The following LRRTM4 variants were observed in gnomAD, a reference collection of about 807,000 sequenced individuals.
The protein encoded by LRRTM4 is leucine rich repeat transmembrane neuronal 4.
In LRRTM4, 25 loss-of-function variants were observed where a neutral mutation model predicts 47.6. The ratio of observed to expected loss-of-function variants is 0.53; its 90% confidence interval spans 0.38 to 0.73. The LOEUF (loss-of-function observed/expected upper bound fraction) is 0.73. Among genes scored for constraint, LRRTM4 ranks in the 30% least tolerant of loss-of-function variants. LRRTM4 has a pLI of 0.00. For synonymous variants in LRRTM4, 311 were observed against 269.5 expected (o/e 1.15, Z -1.51); for missense variants, 638 against 713.4 (o/e 0.89, Z 1.20).
intron 3 of LRRTM4, among the ~76,000 whole-genome samples, chr2:76,896,282 C>A (rs1673414970): frequency 6.6e-6 from 1 of 151,808 alleles, no homozygotes; most frequent in African/African-American, 2.4e-5. Flanking sequence ...TCCAAATGAT[C>A]ACTTCAAAAA....
At chr2:76,980,051 T>C (rs114535828) in intron 3 of LRRTM4, among the ~76,000 whole-genome samples, 1,953 of 152,196 alleles carry the variant, frequency 0.013, 38 homozygotes, top group African/African-American at 0.044. Context: ...CTTTGGATTT[T>C]ATATAATGAA....
chr2:76,750,301 G>A (rs1042151810), intron 3 of LRRTM4, among the ~76,000 whole-genome samples: 2 of 152,130 alleles, frequency 1.3e-5, no homozygotes, highest in African/African-American at 2.4e-5. Context: ...GAGATTTGAG[G>A]TTCATCACCA....
intron 3 of LRRTM4, among the ~76,000 whole-genome samples, chr2:76,839,974 C>T (rs1190248614): frequency 1.3e-5 from 2 of 152,108 alleles, no homozygotes; most frequent in African/African-American, 4.8e-5. Context: ...ATGTGTCACA[C>T]ATTCAATCTG....
At chr2:77,259,646 C>G (rs1209259580) in intron 3 of LRRTM4, among the ~76,000 whole-genome samples, 1 of 151,972 alleles carries the variant, frequency 6.6e-6, no homozygotes, top group East Asian at 1.9e-4. Flanking sequence ...AATGTAGGCA[C>G]ACCCTTTCCA....
chr2:76,862,167 G>A (rs887973992), intron 3 of LRRTM4, among the ~76,000 whole-genome samples: 2 of 151,712 alleles, frequency 1.3e-5, no homozygotes, highest in Non-Finnish European at 2.9e-5. Context: ...TAAAATTAAG[G>A]AAAACAGAAC....
chr2:76,941,254 G>C (rs1278079251), intron 3 of LRRTM4, among the ~76,000 whole-genome samples: 1 of 152,138 alleles, frequency 6.6e-6, no homozygotes, highest in Non-Finnish European at 1.5e-5. Flanking sequence ...TTTATATATT[G>C]AGTCATATTT....
chr2:76,778,819 C>T (rs1674181279), intron 3 of LRRTM4, among the ~76,000 whole-genome samples: 1 of 150,812 alleles, frequency 6.6e-6, no homozygotes. Context: ...AATGTGTTTG[C>T]TCTTGCTTTT....
At chr2:76,759,672 G>A (rs943446669) in intron 3 of LRRTM4, among the ~76,000 whole-genome samples, 14 of 151,946 alleles carry the variant, frequency 9.2e-5, no homozygotes, top group Non-Finnish European at 1.8e-4. Context: ...ATAAGACTTC[G>A]TTGTATTTCT....
intron 3 of LRRTM4, among the ~76,000 whole-genome samples, chr2:77,106,133 T>C (rs963813781): frequency 1.8e-4 from 28 of 152,178 alleles, no homozygotes; most frequent in Non-Finnish European, 3.4e-4. Context: ...TATCACTTTT[T>C]AAAGAGGCCT....
Position 77,372,224 on chromosome 2 carries a change from T to C in LRRTM4, c.1551+146094A>G, listed in dbSNP as rs570397272. On this transcript the variant is annotated intron_variant, in intron 3 of 3. Coordinates refer to ENST00000409884, the MANE Select transcript of LRRTM4 (RefSeq NM_001134745.3). The stretch of plus-strand genomic sequence containing the variant: ...CTGTCTTAGAGGGAGAATTAATCTC[T>C]ACCTTCCAAGGCATTTTGTTATATA... Among the ~76,000 whole-genome samples, 19 of 151,946 alleles carry C rather than the reference T, an allele frequency of 1.3e-4. No individual in the cohort carries two copies. In the East Asian group the frequency reaches 2.9e-3, roughly 23 times the overall value.
intron 3 of LRRTM4, among the ~76,000 whole-genome samples, chr2:76,802,357 G>GAAAACTATTCCATTTACAATATCT (rs1405129159): frequency 1.3e-5 from 2 of 151,392 alleles, no homozygotes; most frequent in Non-Finnish European, 2.9e-5. Flanking sequence ...AAGAAATCAA[G>GAAAACTATTCCATTTACAATATCT]AAAACTATTC....
At chr2:77,091,494 C>T (rs1253455064) in intron 3 of LRRTM4, among the ~76,000 whole-genome samples, 2 of 151,006 alleles carry the variant, frequency 1.3e-5, no homozygotes, top group African/African-American at 2.5e-5. Context: ...ACAAGCCTTA[C>T]AAGTTAGTTC....
chr2:77,320,116 C>T (rs1388755676), intron 3 of LRRTM4, among the ~76,000 whole-genome samples: 1 of 151,784 alleles, frequency 6.6e-6, no homozygotes. Flanking sequence ...TTCTTAGATA[C>T]TACGTACTCT....
At chr2:77,385,076 G>A (rs573262942) in intron 3 of LRRTM4, among the ~76,000 whole-genome samples, 1 of 152,180 alleles carries the variant, frequency 6.6e-6, no homozygotes, top group East Asian at 1.9e-4. Flanking sequence ...AACACTGTTA[G>A]AAAGGTAAAT....
At chr2:76,882,983 C>T (rs1672973697) in intron 3 of LRRTM4, among the ~76,000 whole-genome samples, 1 of 152,120 alleles carries the variant, frequency 6.6e-6, no homozygotes, top group African/African-American at 2.4e-5. Context: ...ATCTGTGCTG[C>T]TACCAGACCA....
chr2:76,958,809 C>A (rs1448199985), intron 3 of LRRTM4, among the ~76,000 whole-genome samples: 1 of 151,642 alleles, frequency 6.6e-6, no homozygotes, highest in Non-Finnish European at 1.5e-5. Flanking sequence ...GTAAAATCTG[C>A]AGTATTTTTC....
chr2:76,951,808 T>C (rs1396059576), intron 3 of LRRTM4, among the ~76,000 whole-genome samples: 2 of 150,824 alleles, frequency 1.3e-5, no homozygotes, highest in African/African-American at 4.9e-5. Context: ...CAGGCCCCAG[T>C]GTGTGATGTT....
intron 3 of LRRTM4, among the ~76,000 whole-genome samples, chr2:76,963,052 TAATA>T (rs1675911593): frequency 1.3e-5 from 2 of 150,930 alleles, no homozygotes; most frequent in African/African-American, 4.8e-5. Context: ...AAATTATGCA[TAATA>T]AATTTAGCTT....
At chr2:76,764,621 A>T (rs1269893653) in intron 3 of LRRTM4, among the ~76,000 whole-genome samples, 3 of 150,212 alleles carry the variant, frequency 2.0e-5, no homozygotes, top group South Asian at 2.1e-4. Context: ...ACAGAGCTAG[A>T]CTCAGTCTCA....
Sources: gnomAD v4.1 joint callset for allele counts (sites outside exome capture counted in the v4.1 genomes callset) on GRCh38, gnomAD v4.1.1 for gene constraint, MANE v1.5 for transcripts, NCBI Gene and HGNC (gene_info 2026-07-23, HGNC 2026-07-21) for gene names.